The following CRPPA variants were observed in gnomAD, a reference collection of about 807,000 sequenced individuals.
CRPPA encodes D-ribitol-5-phosphate cytidylyltransferase.
Under a neutral mutation model 52.0 loss-of-function variants are expected in CRPPA, and 43 were observed. That is an observed-to-expected ratio of 0.83 (90% CI 0.65 to 1.07). The LOEUF is 1.07. Ranked by LOEUF, CRPPA falls within the 50% of genes least tolerant of loss-of-function variation. The probability of loss-of-function intolerance (pLI) is 0.00; values close to 1 mark genes in which losing one functional copy is unlikely to be tolerated. For missense variants in CRPPA, 629 were observed against 551.7 expected, an observed-to-expected ratio of 1.14 and a Z score of -1.40; for synonymous variants, 250 against 203.5, an observed-to-expected ratio of 1.23 and a Z score of -1.94.
chr7:16,346,392 G>C (rs932791007), intron 3 of CRPPA, among the ~76,000 whole-genome samples: 1 of 152,168 alleles, frequency 6.6e-6, no homozygotes, highest in Non-Finnish European at 1.5e-5. Context: ...AATTAAGCCA[G>C]AGGATAAGGA....
At chr7:16,201,104 G>T (rs1306921349) in intron 9 of CRPPA, among the ~76,000 whole-genome samples, 1 of 152,146 alleles carries the variant, frequency 6.6e-6, no homozygotes, top group African/African-American at 2.4e-5. Context: ...CAAGATGAAA[G>T]GAGAGATCAA....
At chr7:16,352,178 C>T (rs1055397918) in intron 3 of CRPPA, among the ~76,000 whole-genome samples, 1 of 152,116 alleles carries the variant, frequency 6.6e-6, no homozygotes. Context: ...AAACCAAACA[C>T]CACATGTTCT....
chr7:16,190,455 G>A (rs892699314), intron 9 of CRPPA, among the ~76,000 whole-genome samples: 17 of 152,188 alleles, frequency 1.1e-4, no homozygotes, highest in East Asian at 1.9e-4. Flanking sequence ...GTAACAATAC[G>A]CATTCATCAA....
At chr7:16,160,863 G>T (rs1364721582) in intron 9 of CRPPA, among the ~76,000 whole-genome samples, 2 of 152,082 alleles carry the variant, frequency 1.3e-5, no homozygotes, top group African/African-American at 4.8e-5. Context: ...AGTTCTCCTT[G>T]AAGAGGTCCT....
chr7:16,380,921 T>C (rs1307869859), intron 2 of CRPPA, among the ~76,000 whole-genome samples: 1 of 152,022 alleles, frequency 6.6e-6, no homozygotes, highest in Non-Finnish European at 1.5e-5. Context: ...ATCAATTTTG[T>C]TGATCCTTTC....
intron 9 of CRPPA, among the ~76,000 whole-genome samples, chr7:16,197,224 T>C (rs1405705474): frequency 2.0e-5 from 3 of 152,204 alleles, no homozygotes; most frequent in African/African-American, 7.2e-5. Context: ...ACACAATGGC[T>C]TTCCACTGTG....
At chr7:16,332,369 A>C (rs1452190195) in intron 3 of CRPPA, among the ~76,000 whole-genome samples, 3 of 152,290 alleles carry the variant, frequency 2.0e-5, no homozygotes, top group Non-Finnish European at 2.9e-5. Flanking sequence ...TCAGAGAAAA[A>C]AGGTAAAAAC....
At chr7:16,371,112 T>C (rs890257285) in intron 3 of CRPPA, among the ~76,000 whole-genome samples, 1 of 152,056 alleles carries the variant, frequency 6.6e-6, no homozygotes, top group Non-Finnish European at 1.5e-5. Flanking sequence ...TAATAAATCT[T>C]CAGCATGTCT....
intron 3 of CRPPA, among the ~76,000 whole-genome samples, chr7:16,348,926 T>C (rs1786081626): frequency 6.6e-6 from 1 of 152,186 alleles, no homozygotes; most frequent in African/African-American, 2.4e-5. Context: ...TCAATGGGGC[T>C]TTGTATTCCT....
chr7:16,284,020 T>C (rs1300919419), intron 5 of CRPPA, among the ~76,000 whole-genome samples: 3 of 152,082 alleles, frequency 2.0e-5, no homozygotes, highest in Non-Finnish European at 4.4e-5. Context: ...ACTTTGCATA[T>C]GTGAAATGAG....
chr7:16,137,843 A>G (rs749883226), intron 9 of CRPPA, among the ~76,000 whole-genome samples: 5 of 152,160 alleles, frequency 3.3e-5, no homozygotes, highest in Non-Finnish European at 1.5e-5. Flanking sequence ...TTGCTTTTTT[A>G]TTACCACAGT....
intron 2 of CRPPA, among the ~76,000 whole-genome samples, chr7:16,386,084 G>A (rs1562670431): frequency 6.6e-6 from 1 of 152,112 alleles, no homozygotes; most frequent in Non-Finnish European, 1.5e-5. Flanking sequence ...TATCATACAT[G>A]AATTTGAACG....
At chr7:16,180,111 C>A (rs909423819) in intron 9 of CRPPA, among the ~76,000 whole-genome samples, 4 of 151,932 alleles carry the variant, frequency 2.6e-5, no homozygotes, top group African/African-American at 7.2e-5. Flanking sequence ...TGTATATATT[C>A]TTGTACGATA....
At chr7:16,355,114 C>G (rs1048468461) in intron 3 of CRPPA, among the ~76,000 whole-genome samples, 2 of 152,120 alleles carry the variant, frequency 1.3e-5, no homozygotes, top group African/African-American at 4.8e-5. Flanking sequence ...ATGTCCATGT[C>G]GTAAGAATCA....
intron 5 of CRPPA, 92 bp from the exon 6 acceptor site, chr7:16,278,318 C>T (rs1363755839): frequency 3.0e-6 from 2 of 665,058 alleles, no homozygotes; most frequent in East Asian, 5.5e-5. Flanking sequence ...ATGTTCTTAG[C>T]TGTTGACCAA....
At chr7:16,342,772 A>ATAT (rs372907234) in intron 3 of CRPPA, among the ~76,000 whole-genome samples, 20,130 of 36,648 alleles carry the variant, frequency 0.55, 3,952 homozygotes, top group South Asian at 0.67. Flanking sequence ...ACAAAAAAAA[A>ATAT]AAAAAAAAAA....
intron 8 of CRPPA, among the ~76,000 whole-genome samples, chr7:16,240,285 G>A (rs1488112798): frequency 2.7e-5 from 4 of 150,800 alleles, no homozygotes; most frequent in African/African-American, 9.8e-5. Flanking sequence ...ATTTAGGCAG[G>A]AAATACCTGA....
At chr7:16,296,330 A>G (rs2128421716) in intron 5 of CRPPA, among the ~76,000 whole-genome samples, 1 of 152,258 alleles carries the variant, frequency 6.6e-6, no homozygotes, top group Non-Finnish European at 1.5e-5. Flanking sequence ...TTCTCCTAAC[A>G]TCAAAATTCC....
intron 8 of CRPPA, among the ~76,000 whole-genome samples, chr7:16,216,825 G>C (rs2128398690): frequency 6.6e-6 from 1 of 152,338 alleles, no homozygotes; most frequent in Non-Finnish European, 1.5e-5. Flanking sequence ...TAGCACAGCA[G>C]TCTGAGATCA....
Sources: gnomAD v4.1 joint callset for allele counts (sites outside exome capture counted in the v4.1 genomes callset) on GRCh38, gnomAD v4.1.1 for gene constraint, MANE v1.5 for transcripts, NCBI Gene and HGNC (gene_info 2026-07-23, HGNC 2026-07-21) for gene names.